Variants in FAM24B observed in about 807,000 individuals in gnomAD.
The protein encoded by FAM24B is protein FAM24B.
Under a neutral mutation model 2.3 loss-of-function variants are expected in FAM24B, and 3 were observed. The ratio of observed to expected loss-of-function variants is 1.29; its 90% CI spans 0.59 to 3.32. The LOEUF is 3.32. FAM24B is among the 30% of genes most tolerant of loss of function. The pLI is 0.03. For missense variants in FAM24B, 98 were observed against 117.2 expected (o/e 0.84, Z 0.76); for synonymous variants, 36 against 46.3 (o/e 0.78, Z 0.90).
intron 2 of FAM24B, among the ~76,000 whole-genome samples, chr10:122,851,067 G>C (rs1239751912): frequency 1.3e-5 from 2 of 152,158 alleles, no homozygotes; most frequent in South Asian, 4.1e-4. Context: ...TTTAGGAAAA[G>C]AACTTTACAA....
chr10:122,868,227 T>C (rs1847832695), intron 1 of FAM24B, among the ~76,000 whole-genome samples: 1 of 152,014 alleles, frequency 6.6e-6, no homozygotes, highest in African/African-American at 2.4e-5. Context: ...AAGAGAATTT[T>C]AGAGAAAAAA....
intron 1 of FAM24B, among the ~76,000 whole-genome samples, chr10:122,869,736 C>T (rs555274177): frequency 5.9e-5 from 9 of 152,072 alleles, no homozygotes; most frequent in South Asian, 4.2e-4. Context: ...TTGAAACCAA[C>T]GAGAACAAAG....
intron 2 of FAM24B, among the ~76,000 whole-genome samples, chr10:122,854,660 A>G (rs555794073): frequency 5.3e-5 from 8 of 152,328 alleles, no homozygotes; most frequent in African/African-American, 1.9e-4. Flanking sequence ...TGACTGCTTA[A>G]GAGTATTGAG....
In FAM24B at chr10:122,859,407, G is replaced by A. The variant is rs926369651; in HGVS notation, c.-177-3621C>T. ...AGCCATTACGAACTGACTCATGAGA[G>A]CCTCCCAGAGAAGAGAAGATGGTGA... is the stretch of plus-strand genomic sequence containing the variant. On this transcript the variant is annotated intron_variant, in intron 1 of 3. Transcript: ENST00000368898. Among the ~76,000 whole-genome samples the A allele has an allele frequency of 9.9e-5, 15 of 152,192 alleles. 1 individual carries two copies. Among genetic ancestry groups the A allele is most frequent in the African/African-American group, 3.4e-4 (14 of 41,436 alleles).
At chr10:122,871,357 C>T (rs1182219765) in intron 1 of FAM24B, among the ~76,000 whole-genome samples, 3 of 152,196 alleles carry the variant, frequency 2.0e-5, no homozygotes, top group Non-Finnish European at 4.4e-5. Context: ...AATGGCCATA[C>T]TACCCAAGGT....
rs1260191610 is a variant in FAM24B, at chr10:122,850,522, T to C, written c.-7A>G. The C allele has an allele frequency of 2.5e-6, 4 of 1,606,376 alleles. No individual in the cohort carries two copies. Among genetic ancestry groups the C allele is most frequent in the African/African-American group, 1.3e-5 (1 of 74,880 alleles). On this transcript the variant is annotated 5_prime_UTR_variant, in exon 3 of 4. Coordinates refer to ENST00000368898, the MANE Select transcript of FAM24B (RefSeq NM_152644.3). ...CACCAGCGATGACAGGCATAATCACTGTATGGAGGTCAAAAGACTTCGATG... is the reference window on the plus strand; with the variant it reads ...CACCAGCGATGACAGGCATAATCACCGTATGGAGGTCAAAAGACTTCGATG...
At chr10:122,870,256 T>A (rs1490575950) in intron 1 of FAM24B, among the ~76,000 whole-genome samples, 1 of 152,204 alleles carries the variant, frequency 6.6e-6, no homozygotes, top group Admixed American at 6.5e-5. Context: ...AATCTCTGAA[T>A]AGACCAATAA....
chr10:122,860,355 T>C (rs1312123117), intron 1 of FAM24B, among the ~76,000 whole-genome samples: 3 of 152,238 alleles, frequency 2.0e-5, no homozygotes, highest in Non-Finnish European at 4.4e-5. Context: ...TGTATATCGA[T>C]AGTTTTTTAG....
chr10:122,866,279 C>G (rs1847803098), intron 1 of FAM24B, among the ~76,000 whole-genome samples: 1 of 152,018 alleles, frequency 6.6e-6, no homozygotes, highest in Non-Finnish European at 1.5e-5. Context: ...TAATTTGTGT[C>G]TTTTTTAGTC....
At chr10:122,856,081 G>C (rs551403584) in intron 1 of FAM24B, among the ~76,000 whole-genome samples, 1 of 152,254 alleles carries the variant, frequency 6.6e-6, no homozygotes, top group Non-Finnish European at 1.5e-5. Context: ...CTCTCCTGCT[G>C]TTCTTGACCT....
intron 1 of FAM24B, among the ~76,000 whole-genome samples, chr10:122,859,248 G>A (rs1162777889): frequency 6.6e-6 from 1 of 152,224 alleles, no homozygotes; most frequent in Non-Finnish European, 1.5e-5. Context: ...CACGTTGGAT[G>A]ACTGCGATGT....
intron 1 of FAM24B, among the ~76,000 whole-genome samples, chr10:122,865,480 T>G (rs1589673564): frequency 6.6e-6 from 1 of 152,184 alleles, no homozygotes; most frequent in East Asian, 1.9e-4. Flanking sequence ...CCACTTGGTG[T>G]TGATATATAA....
At chr10:122,864,982 T>G (rs907946044) in intron 1 of FAM24B, among the ~76,000 whole-genome samples, 1 of 152,238 alleles carries the variant, frequency 6.6e-6, no homozygotes, top group Non-Finnish European at 1.5e-5. Context: ...ACATCTTAGT[T>G]GCTTCCAGCT....
intron 1 of FAM24B, among the ~76,000 whole-genome samples, chr10:122,874,099 G>A (rs545722696): frequency 6.6e-6 from 1 of 152,168 alleles, no homozygotes; most frequent in East Asian, 1.9e-4. Context: ...TGCTATTGTT[G>A]ACGTGTCCTA....
intron 1 of FAM24B, among the ~76,000 whole-genome samples, chr10:122,871,601 G>A (rs936822574): frequency 1.1e-4 from 17 of 152,032 alleles, no homozygotes; most frequent in African/African-American, 4.1e-4. Flanking sequence ...ATAGACCGAT[G>A]GAACAGAACA....
intron 1 of FAM24B, among the ~76,000 whole-genome samples, chr10:122,872,662 C>T (rs1847915654): frequency 1.3e-5 from 2 of 152,070 alleles, no homozygotes. Flanking sequence ...TGGAAACCAT[C>T]ATTCTCAGCA....
Position 122,864,709 on chromosome 10 carries a change from T to A in FAM24B, c.-177-8923A>T, listed in dbSNP as rs2133834497. Among the ~76,000 whole-genome samples the A allele has an allele frequency of 2.6e-5, 4 of 152,344 alleles. No homozygotes were observed. In the South Asian group the frequency reaches 8.3e-4, roughly 32 times the overall value. On this transcript the variant is annotated intron_variant, in intron 1 of 3. Transcript: ENST00000368898. ...TTGCCCCCAAAATCCCATGCTTCAC[T>A]TATTCAACATTACCCTTCTCCTTTC... is the stretch of plus-strand genomic sequence containing the variant.
At chr10:122,869,227 G>T (rs1260527616) in intron 1 of FAM24B, among the ~76,000 whole-genome samples, 1 of 152,166 alleles carries the variant, frequency 6.6e-6, no homozygotes, top group Non-Finnish European at 1.5e-5. Flanking sequence ...TCAACAAGAA[G>T]AACTAACTAT....
intron 1 of FAM24B, among the ~76,000 whole-genome samples, chr10:122,874,426 T>A (rs1847946645): frequency 6.6e-6 from 1 of 152,222 alleles, no homozygotes; most frequent in African/African-American, 2.4e-5. Context: ...TATTTTAATA[T>A]TTTTTGCAAC....
Sources: allele counts gnomAD v4.1 joint callset (sites outside exome capture counted in the v4.1 genomes callset), GRCh38; gene constraint gnomAD v4.1.1; transcripts MANE v1.5; gene names NCBI Gene and HGNC (gene_info 2026-07-23, HGNC 2026-07-21).